Variants in PAPPA observed in about 807,000 individuals in gnomAD.
PAPPA encodes pappalysin-1.
PAPPA carries 60 observed loss-of-function variants against 164.0 expected under a neutral mutation model. The ratio of observed to expected loss-of-function variants is 0.37; its 90% CI spans 0.30 to 0.45. The LOEUF (loss-of-function observed/expected upper bound fraction) is 0.45, where lower values mean the gene tolerates loss of function less well. Ranked by LOEUF, PAPPA falls within the 20% of genes least tolerant of loss-of-function variation. The pLI is 1.00. For synonymous variants in PAPPA, 875 were observed against 814.1 expected (o/e 1.07, Z -1.27); for missense variants, 1,782 against 2,087.3 (o/e 0.85, Z 2.85).
Position 116,187,577 on chromosome 9 carries a change from C to T in PAPPA, c.839C>T (p.Ala280Val), listed in dbSNP as rs143101859. The T allele has an allele frequency of 1.5e-4, 246 of 1,614,228 alleles. 1 individual carries two copies. The African/African-American group carries it at 2.9e-3, about 19-fold the overall frequency. Reference sequence around the variant, plus strand: ...ATGGAAACCCATGGCGCCCACACTGCTCTACCTCAGCTCCTCCTCCAGGAG... The same window carrying T: ...ATGGAAACCCATGGCGCCCACACTGTTCTACCTCAGCTCCTCCTCCAGGAG... ...SDMETHGAHTALPQLLLQENW... is the reference protein window; with the variant it reads ...SDMETHGAHTVLPQLLLQENW... The change falls in exon 2 of 22, where the codon GCT (alanine) becomes GTT (valine). Residue 280 changes from alanine to valine, a missense_variant. Around this residue, in one of 2 missense-constraint regions of PAPPA, gnomAD observed 458 missense variants for 430.3 expected, o/e 1.06. Transcript: ENST00000328252. The surrounding 1 kb of genome is among the most constrained non-coding windows in gnomAD (Gnocchi z 4.2).
chr9:116,238,747 A>C (rs1295765812), intron 7 of PAPPA, among the ~76,000 whole-genome samples: 1 of 152,050 alleles, frequency 6.6e-6, no homozygotes, highest in African/African-American at 2.4e-5. Context: ...TGTTTCAAGG[A>C]GTTTATTGGA....
chr9:116,362,013 G>T (rs73656814), intron 17 of PAPPA, among the ~76,000 whole-genome samples: 6,407 of 152,108 alleles, frequency 0.042, 495 homozygotes, highest in African/African-American at 0.15. Context: ...TGCCATTATT[G>T]TTGGAATGGA....
chr9:116,284,823 C>G (rs770039752), intron 9 of PAPPA, among the ~76,000 whole-genome samples: 48 of 152,174 alleles, frequency 3.2e-4, no homozygotes, highest in Admixed American at 6.5e-4. Context: ...AAAACGTTAT[C>G]TTGTCTGCGT....
intron 1 of PAPPA, among the ~76,000 whole-genome samples, chr9:116,181,957 G>T (rs1843910825): frequency 6.6e-6 from 1 of 152,240 alleles, no homozygotes; most frequent in African/African-American, 2.4e-5. Flanking sequence ...GCTTGTGGGG[G>T]TGCTGCAGAA....
chr9:116,276,134 C>T (rs188879492), intron 9 of PAPPA, among the ~76,000 whole-genome samples: 24 of 152,330 alleles, frequency 1.6e-4, no homozygotes, highest in Admixed American at 1.2e-3. Context: ...CTCTCCCCAA[C>T]AGGCACTGGC....
chr9:116,166,429 A>AG (rs1843720311), intron 1 of PAPPA, among the ~76,000 whole-genome samples: 1 of 152,056 alleles, frequency 6.6e-6, no homozygotes, highest in Non-Finnish European at 1.5e-5. Flanking sequence ...TGTCCTTCTG[A>AG]GCCTCAAGTG....
At chr9:116,165,378 G>C (rs1265284428) in intron 1 of PAPPA, among the ~76,000 whole-genome samples, 1 of 152,064 alleles carries the variant, frequency 6.6e-6, no homozygotes, top group African/African-American at 2.4e-5. Flanking sequence ...AAAATTCCTT[G>C]CATCCTCATC....
At chr9:116,159,006 T>C (rs1359545969) in intron 1 of PAPPA, among the ~76,000 whole-genome samples, 1 of 152,232 alleles carries the variant, frequency 6.6e-6, no homozygotes, top group Non-Finnish European at 1.5e-5. Flanking sequence ...TCCATTCCTT[T>C]CTGCATCTCT....
intron 2 of PAPPA, among the ~76,000 whole-genome samples, chr9:116,203,674 A>G (rs371724440): frequency 7.9e-5 from 12 of 152,222 alleles, no homozygotes; most frequent in African/African-American, 2.9e-4. Flanking sequence ...TCACCATGCT[A>G]GGCACTTAAC....
chr9:116,379,616 T>C (rs909008146), intron 20 of PAPPA, among the ~76,000 whole-genome samples: 5 of 152,174 alleles, frequency 3.3e-5, no homozygotes, highest in Non-Finnish European at 7.3e-5. Flanking sequence ...GGAATCTATA[T>C]TTGATAAAGT....
intron 19 of PAPPA, among the ~76,000 whole-genome samples, chr9:116,372,596 T>C (rs6478233): frequency 0.59 from 90,240 of 151,858 alleles, 27,139 homozygotes; most frequent in South Asian, 0.67. Flanking sequence ...GCTCACACAT[T>C]GTCCCTTGCC....
At chr9:116,242,995 C>T (rs1844753536) in intron 7 of PAPPA, among the ~76,000 whole-genome samples, 1 of 152,142 alleles carries the variant, frequency 6.6e-6, no homozygotes, top group Admixed American at 6.6e-5. Context: ...TATTCATATC[C>T]TTAAGATGGG....
intron 17 of PAPPA, among the ~76,000 whole-genome samples, 166 bp downstream of exon 17, chr9:116,353,959 AT>A (rs1002830388): frequency 1.9e-4 from 29 of 151,842 alleles, no homozygotes; most frequent in East Asian, 7.7e-4. Context: ...TTAGCTTTGA[AT>A]TTTTTTTTAA....
chr9:116,217,140 G>T (rs979384533), intron 4 of PAPPA, among the ~76,000 whole-genome samples: 1 of 152,082 alleles, frequency 6.6e-6, no homozygotes, highest in Non-Finnish European at 1.5e-5. Flanking sequence ...ATGTGAAAAT[G>T]GTTCCATTTT....
intron 7 of PAPPA, among the ~76,000 whole-genome samples, chr9:116,245,767 TA>T (rs2118768376): frequency 6.6e-6 from 1 of 152,284 alleles, no homozygotes; most frequent in Non-Finnish European, 1.5e-5. Context: ...CCATGAGTCG[TA>T]AGAGAGGAAA....
chr9:116,242,991 T>C (rs1158243662), intron 7 of PAPPA, among the ~76,000 whole-genome samples: 1 of 152,238 alleles, frequency 6.6e-6, no homozygotes, highest in Non-Finnish European at 1.5e-5. Context: ...TGTCTATTCA[T>C]ATCCTTAAGA....
intron 7 of PAPPA, among the ~76,000 whole-genome samples, chr9:116,243,890 G>T (rs1407153658): frequency 6.6e-6 from 1 of 152,056 alleles, no homozygotes; most frequent in Non-Finnish European, 1.5e-5. Flanking sequence ...GCATGGTTTT[G>T]CCTACATTCT....
intron 17 of PAPPA, among the ~76,000 whole-genome samples, chr9:116,354,237 G>A (rs558130799): frequency 2.6e-5 from 4 of 152,204 alleles, no homozygotes; most frequent in East Asian, 1.9e-4. Flanking sequence ...AGGAAGAGCA[G>A]AAGGAGCAAG....
At chr9:116,375,908 C>T (rs1450385892) in intron 19 of PAPPA, among the ~76,000 whole-genome samples, 3 of 152,136 alleles carry the variant, frequency 2.0e-5, no homozygotes, top group African/African-American at 7.2e-5. Context: ...CCTGTCACTA[C>T]ACATCTAAGC....
Sources: gnomAD v4.1 joint callset for allele counts (sites outside exome capture counted in the v4.1 genomes callset) on GRCh38, gnomAD v4.1.1 for gene constraint, gnomAD v4.1.1 regional missense constraint, Gnocchi (gnomAD v3.1) non-coding constraint, MANE v1.5 for transcripts, NCBI Gene and HGNC (gene_info 2026-07-23, HGNC 2026-07-21) for gene names.